The following TTYH2 variants were observed in gnomAD, a reference collection of about 807,000 sequenced individuals.
The protein encoded by TTYH2 is protein tweety homolog 2.
A neutral mutation model predicts 68.3 loss-of-function variants in TTYH2; 49 were observed. The observed-to-expected ratio is 0.72, with a 90% CI of 0.57 to 0.91. TTYH2 has a LOEUF of 0.91. TTYH2 is among the 40% of genes least tolerant of loss of function. TTYH2 has a pLI of 0.00. For missense variants in TTYH2, 631 were observed against 700.4 expected, an observed-to-expected ratio of 0.90 and a Z score of 1.12; for synonymous variants, 272 against 300.8, an observed-to-expected ratio of 0.90 and a Z score of 0.99.
chr17:74,260,141 A>C lies in TTYH2; in HGVS notation c.1537A>C (p.Met513Leu), dbSNP rs1465961353. 1 of 1,613,776 alleles carries C rather than the reference A, an allele frequency of 6.2e-7. No individual in the cohort carries two copies. Among genetic ancestry groups the C allele is most frequent in the South Asian group, 1.1e-5 (1 of 91,074 alleles). ...TCTCTCTTGGCAGTACTCTCCCAGC[A>C]TGAGAGCCACCTACCTGTCTGTGGC... is the stretch of plus-strand genomic sequence containing the variant. ...ASPPPTYSPSMRATYLSVADE... is the reference protein window; with the variant it reads ...ASPPPTYSPSLRATYLSVADE... Residue 513 changes from methionine (M) to leucine (L), a missense_variant, in exon 14 of 14, where the codon ATG (methionine) becomes CTG (leucine). Transcript: ENST00000269346.
At chr17:74,231,410 AG>A (rs767534103) in intron 3 of TTYH2, among the ~76,000 whole-genome samples, 1 of 152,114 alleles carries the variant, frequency 6.6e-6, no homozygotes, top group Non-Finnish European at 1.5e-5. Context: ...GAGACAACTG[AG>A]GGCTGGGCGT....
chr17:74,220,102 TC>T (rs1320576553), intron 1 of TTYH2, among the ~76,000 whole-genome samples: 1 of 151,846 alleles, frequency 6.6e-6, no homozygotes, highest in African/African-American at 2.4e-5. Context: ...CATCCCAGCA[TC>T]CCCAGTAGCT....
chr17:74,213,785 G>A lies in TTYH2; in HGVS notation c.129+69G>A. 2 of 1,558,930 alleles carry A rather than the reference G, an allele frequency of 1.3e-6. No homozygotes were observed. The highest frequency in any genetic ancestry group is 1.7e-6 in the Non-Finnish European group (2 of 1,148,682). On this transcript the variant is annotated intron_variant, in intron 1 of 13. Transcript: ENST00000269346. The surrounding 1 kb of genome is among the most constrained non-coding windows in gnomAD (Gnocchi z 6.1). Reference sequence around the variant, plus strand: ...TCCCCGCACTACCCCCTCTCCCCTCGAGAGCCTGCACTTTCCCACGTGCCT... The same window carrying A: ...TCCCCGCACTACCCCCTCTCCCCTCAAGAGCCTGCACTTTCCCACGTGCCT...
intron 2 of TTYH2, among the ~76,000 whole-genome samples, chr17:74,230,494 TG>T (rs2050377214): frequency 6.6e-6 from 1 of 152,196 alleles, no homozygotes; most frequent in African/African-American, 2.4e-5. Context: ...TGTGTGCATC[TG>T]GGCTCATCAG....
rs1024113177 is a variant in TTYH2 at position 74,217,996 on chromosome 17, G to A, written c.129+4280G>A. On this transcript the variant is annotated intron_variant, in intron 1 of 13. Transcript: ENST00000269346. This position sits in a 1 kb window ranked among gnomAD's most constrained non-coding sequence, Gnocchi z 4.0. ...GTGGGGAGGCGTGGGAAATTGTCTT[G>A]GCAAAGCTCTGTCCATCTGAGCAGG... Among the ~76,000 whole-genome samples, 1 of 152,110 alleles carries A rather than the reference G, an allele frequency of 6.6e-6. No individual in the cohort carries two copies. Among genetic ancestry groups the A allele is most frequent in the African/African-American group, 2.4e-5 (1 of 41,412 alleles).
At chr17:74,231,328 G>C (rs1377828335) in intron 3 of TTYH2, among the ~76,000 whole-genome samples, 1 of 152,102 alleles carries the variant, frequency 6.6e-6, no homozygotes, top group Admixed American at 6.5e-5. Context: ...TGCATTTTTT[G>C]TTTTCATTTT....
At chr17:74,231,959 G>A (rs897680420) in intron 3 of TTYH2, among the ~76,000 whole-genome samples, 6 of 152,154 alleles carry the variant, frequency 3.9e-5, no homozygotes, top group African/African-American at 7.2e-5. Context: ...GGAGGAGCAC[G>A]ACAAGGGTGG....
intron 3 of TTYH2, among the ~76,000 whole-genome samples, chr17:74,233,947 A>G (rs1421410898): frequency 6.6e-6 from 1 of 152,154 alleles, no homozygotes; most frequent in African/African-American, 2.4e-5. Context: ...GAGGTTGAAA[A>G]TGTGTATGTT....
At position 74,250,033 on chromosome 17, in the gene TTYH2, G is replaced by A. The variant is rs1410254339; in HGVS notation, c.1023+5G>A. The A allele has an allele frequency of 8.1e-6, 13 of 1,614,004 alleles. No individual in the cohort carries two copies. The highest frequency in any genetic ancestry group is 1.6e-4 in the Middle Eastern group (1 of 6,062). On this transcript the variant is annotated splice_donor_5th_base_variant and intron_variant, in intron 9 of 13. Transcript: ENST00000269346. ...CCCCTCTTCTCCACTGCAGAGGTAA[G>A]GCAGCTGTGCAGGAAGAGGGGAGCC...
intron 4 of TTYH2, among the ~76,000 whole-genome samples, chr17:74,242,932 C>G (rs1238718059): frequency 1.3e-5 from 2 of 152,206 alleles, no homozygotes; most frequent in Non-Finnish European, 2.9e-5. Flanking sequence ...CAGAGCTGTG[C>G]TGTCCAGGGT....
At chr17:74,218,583 C>T (rs2050244195) in intron 1 of TTYH2, among the ~76,000 whole-genome samples, 1 of 151,766 alleles carries the variant, frequency 6.6e-6, no homozygotes, top group Admixed American at 6.6e-5. Flanking sequence ...CTCGCTTTCA[C>T]TGGAGCTGGA....
chr17:74,261,127 C>T lies in TTYH2; in HGVS notation c.*918C>T, dbSNP rs2050746277. On this transcript the variant is annotated 3_prime_UTR_variant, in exon 14 of 14. Transcript: ENST00000269346. ...CTCATTCCTTACCCTGGTTAGGTCA[C>T]TACTTTTGCAGATTTTGCTGGCACT... 1.3e-5 allele frequency: 2 copies of T among 152,612 alleles called. No individual in the cohort carries two copies. The highest frequency in any genetic ancestry group is 1.3e-4 in the Admixed American group (2 of 15,278). The allele number at this position is 152,612 out of a possible 1,614,324, so 9.5% of individuals were successfully genotyped here.
intron 3 of TTYH2, among the ~76,000 whole-genome samples, chr17:74,231,768 G>A (rs547770022): frequency 6.6e-6 from 1 of 152,168 alleles, no homozygotes; most frequent in South Asian, 2.1e-4. Context: ...CTTCCAGGCA[G>A]TGACTCCAGG....
At chr17:74,225,512 G>A (rs1388640573) in intron 2 of TTYH2, among the ~76,000 whole-genome samples, 3 of 152,266 alleles carry the variant, frequency 2.0e-5, no homozygotes, top group African/African-American at 7.2e-5. Context: ...GGGAGTATTC[G>A]GAACAGTGGG....
chr17:74,218,316 C>T (rs2050241169), intron 1 of TTYH2, among the ~76,000 whole-genome samples: 1 of 152,018 alleles, frequency 6.6e-6, no homozygotes. Flanking sequence ...CCCACCACCC[C>T]CAGTTTTTTC....
chr17:74,227,033 G>C (rs2050337744), intron 2 of TTYH2, among the ~76,000 whole-genome samples: 1 of 152,120 alleles, frequency 6.6e-6, no homozygotes, highest in Non-Finnish European at 1.5e-5. Flanking sequence ...GGAGTGCAGT[G>C]GCACGATCTC....
Position 74,214,591 on chromosome 17 carries a change from C to T in TTYH2, c.129+875C>T, listed in dbSNP as rs1567807440. On this transcript the variant is annotated intron_variant, in intron 1 of 13. Transcript: ENST00000269346. This position sits in a 1 kb window ranked among gnomAD's most constrained non-coding sequence, Gnocchi z 4.6. Reference sequence around the variant, plus strand: ...CTGCACCCCACAAACAGGGCCAGGGCTCCCCAGACCTCCCTGCCCAGACAA... The same window carrying T: ...CTGCACCCCACAAACAGGGCCAGGGTTCCCCAGACCTCCCTGCCCAGACAA... 1.3e-5 allele frequency among the ~76,000 whole-genome samples: 2 copies of T among 152,212 alleles called. No homozygotes were observed. Among genetic ancestry groups the T allele is most frequent in the Admixed American group, 1.3e-4 (2 of 15,284 alleles).
chr17:74,216,340 G>A (rs2050221566), intron 1 of TTYH2, among the ~76,000 whole-genome samples: 1 of 152,120 alleles, frequency 6.6e-6, no homozygotes, highest in South Asian at 2.1e-4. Flanking sequence ...GGGTGGGTGC[G>A]TGTGCATCAG....
chr17:74,229,632 A>G (rs2050367088), intron 2 of TTYH2, among the ~76,000 whole-genome samples: 1 of 152,240 alleles, frequency 6.6e-6, no homozygotes, highest in South Asian at 2.1e-4. Flanking sequence ...TGTCTTTAAC[A>G]GGTGAATGGA....
Sources: allele counts gnomAD v4.1 joint callset (sites outside exome capture counted in the v4.1 genomes callset), GRCh38; gene constraint gnomAD v4.1.1; non-coding constraint Gnocchi (gnomAD v3.1); transcripts MANE v1.5; gene names NCBI Gene and HGNC (gene_info 2026-07-23, HGNC 2026-07-21).